Variants in CCDC198 observed in about 807,000 individuals in gnomAD.
The protein encoded by CCDC198 is factor associated with metabolism and energy.
A neutral mutation model predicts 35.6 loss-of-function variants in CCDC198; 18 were observed. The ratio of observed to expected loss-of-function variants is 0.51; its 90% confidence interval spans 0.35 to 0.75. CCDC198 has a LOEUF of 0.75. CCDC198 is among the 30% of genes least tolerant of loss of function. CCDC198 has a pLI of 0.01. For synonymous variants in CCDC198, 119 were observed against 113.4 expected, an observed-to-expected ratio of 1.05 and a Z score of -0.31; for missense variants, 365 against 343.7, an observed-to-expected ratio of 1.06 and a Z score of -0.49.
chr14:57,489,626 G>A (rs2067493224), intron 2 of CCDC198, among the ~76,000 whole-genome samples: 1 of 152,156 alleles, frequency 6.6e-6, no homozygotes, highest in African/African-American at 2.4e-5. Context: ...GTGTATGGGG[G>A]TGGTGGTGCA....
chr14:57,487,664 G>C (rs1018074214), intron 2 of CCDC198, among the ~76,000 whole-genome samples: 1 of 152,162 alleles, frequency 6.6e-6, no homozygotes, highest in Non-Finnish European at 1.5e-5. Flanking sequence ...CTCTTTATTT[G>C]AGGAGTAGAT....
intron 5 of CCDC198, chr14:57,480,221 C>T: frequency 1.0e-6 from 1 of 975,516 alleles, no homozygotes; most frequent in Non-Finnish European, 1.2e-6. Flanking sequence ...ATGGTACCAA[C>T]TCTGCTGAAG....
chr14:57,477,876 G>A (rs1187791375), intron 5 of CCDC198, among the ~76,000 whole-genome samples: 2 of 151,990 alleles, frequency 1.3e-5, no homozygotes, highest in Non-Finnish European at 1.5e-5. Context: ...TTTTGTATTT[G>A]TAGTAGAGAC....
At chr14:57,476,975 A>C (rs2067018895) in intron 5 of CCDC198, among the ~76,000 whole-genome samples, 1 of 152,258 alleles carries the variant, frequency 6.6e-6, no homozygotes, top group African/African-American at 2.4e-5. Flanking sequence ...CTGTCGCCTC[A>C]GGAGTCAGGT....
chr14:57,489,204 C>T (rs1009902693), intron 2 of CCDC198, among the ~76,000 whole-genome samples: 14 of 152,026 alleles, frequency 9.2e-5, no homozygotes, highest in East Asian at 1.9e-4. Flanking sequence ...CAAAAAGGAA[C>T]GAGATCATGT....
At chr14:57,483,259 T>C in intron 2 of CCDC198, 108 bp from the exon 3 acceptor site, 32 of 1,522,462 alleles carry the variant, frequency 2.1e-5, no homozygotes, top group Non-Finnish European at 2.9e-5. Flanking sequence ...CGGCACTTAT[T>C]TCTGAGAGCA....
At chr14:57,487,074 A>G (rs1351200137) in intron 2 of CCDC198, among the ~76,000 whole-genome samples, 3 of 152,162 alleles carry the variant, frequency 2.0e-5, no homozygotes, top group Non-Finnish European at 2.9e-5. Context: ...GTCAGATGAA[A>G]TTGCCTCAGA....
At chr14:57,485,844 C>G (rs946503968) in intron 2 of CCDC198, among the ~76,000 whole-genome samples, 2 of 152,196 alleles carry the variant, frequency 1.3e-5, no homozygotes, top group African/African-American at 4.8e-5. Context: ...GGAAGTGGTT[C>G]TCTGTTCCAT....
Position 57,481,545 on chromosome 14 carries a change from C to A in CCDC198, c.495+14G>T. 6.4e-7 allele frequency: 1 copy of A among 1,573,304 alleles called. No homozygotes were observed. Among genetic ancestry groups the A allele is most frequent in the Admixed American group, 1.7e-5 (1 of 59,698 alleles). The stretch of plus-strand genomic sequence containing the variant: ...ATGAAAATTTGGTAAATATGACACT[C>A]TTCTCGTATTTACCTCTTGTCTTTT... On this transcript the variant is annotated intron_variant, in intron 4 of 5. Coordinates refer to ENST00000216445, the MANE Select transcript of CCDC198 (RefSeq NM_018168.4).
Position 57,493,693 on chromosome 14 carries a change from G to A in CCDC198, c.23C>T (p.Thr8Ile). MGLSHSKTHLRVIKVAPL... is the reference protein window; with the variant it reads MGLSHSKIHLRVIKVAPL... ...TGCTACTTTGATCACCCTAAGGTGA[G>A]TCTTAGAGTGACTCAGGCCCATTTC... The change falls in exon 1 of 6, where the codon ACT becomes ATT. Residue 8 changes from threonine to isoleucine, a missense_variant. By Grantham distance (89) the Thr-to-Ile change is moderately conservative. Transcript: ENST00000216445. 4 of 1,613,248 alleles carry A rather than the reference G, an allele frequency of 2.5e-6. No individual in the cohort carries two copies. The highest frequency in any genetic ancestry group is 2.5e-6 in the Non-Finnish European group (3 of 1,179,528).
chr14:57,480,812 A>C, intron 4 of CCDC198, 58 bp from the exon 5 acceptor site: 1 of 1,558,016 alleles, frequency 6.4e-7, no homozygotes, highest in East Asian at 2.2e-5. Context: ...TCACCAGACT[A>C]GATCAACAGA....
intron 4 of CCDC198, among the ~76,000 whole-genome samples, chr14:57,481,242 C>G (rs2067173909): frequency 6.6e-6 from 1 of 152,170 alleles, no homozygotes; most frequent in African/African-American, 2.4e-5. Context: ...AACTCACCCC[C>G]TCCTCCTTTC....
chr14:57,478,664 G>T, intron 5 of CCDC198: 2 of 995,330 alleles, frequency 2.0e-6, no homozygotes, highest in Middle Eastern at 5.1e-4. Flanking sequence ...TTTCTTGGTT[G>T]TTTTGTGTAT....
In CCDC198 at chr14:57,476,946, C is replaced by T. The variant is rs111269898; in HGVS notation, c.655+3649G>A. ...AAAGGAATCATCGCTAGGACAAATG[C>T]CGAGCACAGAGGTGAAGGCTGTCGC... On this transcript the variant is annotated intron_variant, in intron 5 of 5. Transcript: ENST00000216445. 2.6e-5 allele frequency among the ~76,000 whole-genome samples: 4 copies of T among 152,182 alleles called. No homozygotes were observed. In the South Asian group the frequency reaches 8.3e-4, roughly 32 times the overall value.
chr14:57,489,535 G>GA (rs887351576), intron 2 of CCDC198, among the ~76,000 whole-genome samples: 26 of 151,742 alleles, frequency 1.7e-4, no homozygotes, highest in African/African-American at 2.4e-4. Flanking sequence ...AAAAGTTGAA[G>GA]AAAAAAAAGG....
At chr14:57,482,480 G>T (rs2067220286) in intron 3 of CCDC198, among the ~76,000 whole-genome samples, 1 of 152,158 alleles carries the variant, frequency 6.6e-6, no homozygotes, top group Non-Finnish European at 1.5e-5. Context: ...CACCTAGCAA[G>T]CTCCAAAACA....
At position 57,471,388 on chromosome 14, in the gene CCDC198, G is replaced by T. The variant is rs763756358; in HGVS notation, c.858C>A (p.Ile286=). ...GATCAAAAAACTCATCGAAAAGTGGGATTCTCTCTGTCCTGGTCCTCACCA... is the reference window on the plus strand; with the variant it reads ...GATCAAAAAACTCATCGAAAAGTGGTATTCTCTCTGTCCTGGTCCTCACCA... ...RALVRTRTER[I]PLFDEFFDQE is the part of the protein sequence containing the mutation. Residue 286 remains isoleucine, a synonymous_variant, in exon 6 of 6, where the codon ATC becomes ATA. Transcript: ENST00000216445. The T allele has an allele frequency of 1.2e-6, 2 of 1,613,258 alleles. No individual in the cohort carries two copies. The highest frequency in any genetic ancestry group is 1.7e-5 in the Admixed American group (1 of 59,834).
chr14:57,478,759 A>G (rs2067085497), intron 5 of CCDC198: 8 of 1,098,928 alleles, frequency 7.3e-6, no homozygotes, highest in African/African-American at 1.6e-5. Flanking sequence ...AGTATAGGTT[A>G]AATAGATGCC....
intron 2 of CCDC198, among the ~76,000 whole-genome samples, chr14:57,488,657 A>C (rs1275905287): frequency 6.6e-6 from 1 of 152,206 alleles, no homozygotes; most frequent in African/African-American, 2.4e-5. Flanking sequence ...CAGAGTCTGC[A>C]AGGAACTTAA....
Sources: gnomAD v4.1 joint callset for allele counts (sites outside exome capture counted in the v4.1 genomes callset) on GRCh38, gnomAD v4.1.1 for gene constraint, MANE v1.5 for transcripts, NCBI Gene and HGNC (gene_info 2026-07-23, HGNC 2026-07-21) for gene names.